CNTLN: variants seen among roughly 807,000 people sequenced by gnomAD.
The protein encoded by CNTLN is centlein.
A neutral mutation model predicts 180.0 loss-of-function variants in CNTLN; 212 were observed. That is an observed-to-expected ratio of 1.18 (90% CI 1.05 to 1.32). The LOEUF (loss-of-function observed/expected upper bound fraction) is 1.32. CNTLN is among the 40% of genes most tolerant of loss of function. The pLI, the probability that CNTLN is intolerant of heterozygous loss-of-function variation, is 0.00. For missense variants in CNTLN, 2,095 were observed against 1,610.9 expected, an observed-to-expected ratio of 1.30 and a Z score of -5.14; for synonymous variants, 722 against 563.1, an observed-to-expected ratio of 1.28 and a Z score of -3.99.
intron 2 of CNTLN, among the ~76,000 whole-genome samples, chr9:17,171,495 A>C (rs775838059): frequency 1.3e-5 from 2 of 152,146 alleles, no homozygotes; most frequent in Non-Finnish European, 2.9e-5. Flanking sequence ...AGGTGTCTGC[A>C]GGGGGAGCGA....
intron 2 of CNTLN, among the ~76,000 whole-genome samples, chr9:17,159,506 T>G (rs1819531531): frequency 6.6e-6 from 1 of 152,196 alleles, no homozygotes; most frequent in Admixed American, 6.5e-5. Flanking sequence ...CTCAATATGC[T>G]GCACCCAAAG....
chr9:17,360,267 A>G (rs1823262350), intron 12 of CNTLN, among the ~76,000 whole-genome samples: 1 of 152,210 alleles, frequency 6.6e-6, no homozygotes, highest in Non-Finnish European at 1.5e-5. Context: ...ACTATTTAGG[A>G]CCATCATCAT....
intron 23 of CNTLN, among the ~76,000 whole-genome samples, chr9:17,482,604 TGA>T (rs1331960713): frequency 1.3e-5 from 2 of 152,146 alleles, no homozygotes; most frequent in African/African-American, 4.8e-5. Context: ...AAGCTGAATG[TGA>T]AATTCATATG....
intron 14 of CNTLN, among the ~76,000 whole-genome samples, chr9:17,389,243 G>T (rs1160845968): frequency 6.6e-6 from 1 of 151,966 alleles, no homozygotes; most frequent in Non-Finnish European, 1.5e-5. Flanking sequence ...GTAACACAGA[G>T]AACTAGAAAT....
At chr9:17,481,438 C>G (rs140993893) in intron 23 of CNTLN, among the ~76,000 whole-genome samples, 1 of 152,194 alleles carries the variant, frequency 6.6e-6, no homozygotes, top group Non-Finnish European at 1.5e-5. Flanking sequence ...TGGAACCCAG[C>G]TTGCAGCCAG....
intron 14 of CNTLN, 107 bp downstream of exon 14, chr9:17,388,360 C>T (rs1018182689): frequency 4.5e-6 from 3 of 671,584 alleles, no homozygotes; most frequent in Non-Finnish European, 7.2e-6. Context: ...TGTGTGAATC[C>T]TTAATTTAAA....
At chr9:17,441,722 T>C (rs928172463) in intron 18 of CNTLN, among the ~76,000 whole-genome samples, 2 of 151,924 alleles carry the variant, frequency 1.3e-5, no homozygotes, top group Middle Eastern at 3.2e-3. Flanking sequence ...TAAATATAAA[T>C]GGATTACATT....
intron 13 of CNTLN, among the ~76,000 whole-genome samples, chr9:17,375,410 A>G (rs1368042632): frequency 6.6e-6 from 1 of 152,198 alleles, no homozygotes; most frequent in Non-Finnish European, 1.5e-5. Context: ...TTTGTAATGT[A>G]AAAGTTAAGT....
intron 7 of CNTLN, among the ~76,000 whole-genome samples, chr9:17,304,397 T>C (rs917543839): frequency 6.6e-6 from 1 of 152,200 alleles, no homozygotes; most frequent in African/African-American, 2.4e-5. Flanking sequence ...TAAATATTGA[T>C]AAGGAATTAT....
At chr9:17,317,385 A>G (rs551895465) in intron 8 of CNTLN, among the ~76,000 whole-genome samples, 24 of 152,330 alleles carry the variant, frequency 1.6e-4, no homozygotes, top group African/African-American at 5.5e-4. Context: ...TGCAGGAATC[A>G]TACTGTTAAC....
At chr9:17,513,532 C>CA in the CNTLN span, among the ~76,000 whole-genome samples, 27 of 151,914 alleles carry the variant, frequency 1.8e-4, no homozygotes, top group South Asian at 4.2e-4. Context: ...CCCTTCTGTA[C>CA]AAAAAATACA....
chr9:17,242,384 A>T (rs930095891), intron 5 of CNTLN, among the ~76,000 whole-genome samples: 6 of 151,908 alleles, frequency 3.9e-5, no homozygotes, highest in African/African-American at 1.5e-4. Flanking sequence ...ATCTTGGCTC[A>T]CTGCAACCTC....
chr9:17,291,734 G>C (rs1348539929), intron 6 of CNTLN, among the ~76,000 whole-genome samples: 1 of 152,112 alleles, frequency 6.6e-6, no homozygotes, highest in South Asian at 2.1e-4. Flanking sequence ...AATCCAGCAC[G>C]TTGATGAGTC....
intron 2 of CNTLN, among the ~76,000 whole-genome samples, chr9:17,217,471 G>T (rs1823838160): frequency 6.6e-6 from 1 of 152,206 alleles, no homozygotes; most frequent in Non-Finnish European, 1.5e-5. Flanking sequence ...AGCTGGTGTT[G>T]TACCAACTGG....
chr9:17,388,406 G>C (rs929799378), intron 14 of CNTLN, among the ~76,000 whole-genome samples, 153 bp downstream of exon 14: 2 of 151,912 alleles, frequency 1.3e-5, no homozygotes, highest in Non-Finnish European at 2.9e-5. Context: ...CCAAAATGGG[G>C]TAAAAAAAAT....
At chr9:17,159,335 T>C (rs1415125962) in intron 2 of CNTLN, among the ~76,000 whole-genome samples, 1 of 152,194 alleles carries the variant, frequency 6.6e-6, no homozygotes, top group African/African-American at 2.4e-5. Context: ...GCAAAGTCTC[T>C]GAGTCAGGCC....
At chr9:17,269,141 A>G (rs199753625) in intron 5 of CNTLN, among the ~76,000 whole-genome samples, 5 of 151,892 alleles carry the variant, frequency 3.3e-5, no homozygotes, top group African/African-American at 9.7e-5. Flanking sequence ...CATGCTGGGA[A>G]CTGTAGACCG....
chr9:17,402,645 A>T lies in CNTLN; in HGVS notation c.2616-6648A>T, dbSNP rs1827073330. Among the ~76,000 whole-genome samples the T allele has an allele frequency of 1.3e-5, 2 of 151,918 alleles. 1 individual carries two copies. The highest frequency in any genetic ancestry group is 4.9e-5 in the African/African-American group (2 of 41,192). On this transcript the variant is annotated intron_variant, in intron 15 of 25. Coordinates refer to ENST00000380647, the MANE Select transcript of CNTLN (RefSeq NM_017738.4). ...AGTCTGTTGAAGGCCTGAATAGAAT[A>T]TAAAGAATGGCCTCTGTGAGCAAGA...
intron 13 of CNTLN, among the ~76,000 whole-genome samples, chr9:17,378,923 C>G (rs1205966539): frequency 6.6e-6 from 1 of 152,122 alleles, no homozygotes; most frequent in Non-Finnish European, 1.5e-5. Flanking sequence ...TGAAGGACTT[C>G]TTTAATATTT....
Sources: allele counts gnomAD v4.1 joint callset (sites outside exome capture counted in the v4.1 genomes callset), GRCh38; gene constraint gnomAD v4.1.1; transcripts MANE v1.5; gene names NCBI Gene and HGNC (gene_info 2026-07-23, HGNC 2026-07-21).